Variants in PLCH1 observed in about 807,000 individuals in gnomAD.
PLCH1 encodes the protein phospholipase C eta 1.
In PLCH1, 60 loss-of-function variants were observed where a neutral mutation model predicts 126.7. The ratio of observed to expected loss-of-function variants is 0.47; its 90% CI spans 0.38 to 0.59. The LOEUF (loss-of-function observed/expected upper bound fraction) is 0.59. PLCH1 is among the 20% of genes least tolerant of loss of function. The pLI, the probability that PLCH1 is intolerant of heterozygous loss-of-function variation, is 0.00. For missense variants in PLCH1, 1,723 were observed against 2,040.0 expected (o/e 0.84, Z 2.99); for synonymous variants, 719 against 734.9 (o/e 0.98, Z 0.35).
At chr3:155,668,607 C>A (rs1252768939) in intron 2 of PLCH1, among the ~76,000 whole-genome samples, 1 of 151,990 alleles carries the variant, frequency 6.6e-6, no homozygotes, top group Non-Finnish European at 1.5e-5. Flanking sequence ...GAAACGTGAG[C>A]CTAGGCTGGG....
At chr3:155,575,480 A>C (rs1045006493) in intron 6 of PLCH1, among the ~76,000 whole-genome samples, 1 of 152,200 alleles carries the variant, frequency 6.6e-6, no homozygotes, top group East Asian at 1.9e-4. Flanking sequence ...TAATGTATAG[A>C]TCTATATCAG....
intron 21 of PLCH1, among the ~76,000 whole-genome samples, chr3:155,470,793 T>C (rs7645452): frequency 0.29 from 44,010 of 151,590 alleles, 7,262 homozygotes; most frequent in African/African-American, 0.44. Context: ...AAGAAAAGAA[T>C]TTTCAACCCA....
rs77715071 is a variant in PLCH1 at position 155,712,406 on chromosome 3, C to G, written c.-40-8142G>C. ...TTCTTCAGCTTTAGAATTCCTTTAG[C>G]TATTTTCAAATGTGACGCAAATCTA... On this transcript the variant is annotated intron_variant, in intron 1 of 22. Coordinates refer to ENST00000460012, the MANE Select transcript of PLCH1 (RefSeq NM_014996.4). Among the ~76,000 whole-genome samples the G allele has an allele frequency of 6.6e-4, 101 of 152,286 alleles. 3 individuals carry two copies. In the East Asian group the frequency reaches 0.017, roughly 26 times the overall value.
chr3:155,631,140 C>T (rs1737971081), intron 2 of PLCH1, among the ~76,000 whole-genome samples: 1 of 152,088 alleles, frequency 6.6e-6, no homozygotes, highest in Admixed American at 6.6e-5. Context: ...ACAGCCACAG[C>T]AATGCATTAA....
At chr3:155,469,940 A>G (rs1194654830) in intron 21 of PLCH1, among the ~76,000 whole-genome samples, 5 of 152,218 alleles carry the variant, frequency 3.3e-5, no homozygotes, top group Non-Finnish European at 5.9e-5. Context: ...CATCATCATC[A>G]AAGACCAAAA....
chr3:155,597,371 G>A (rs143404487), intron 2 of PLCH1, among the ~76,000 whole-genome samples: 1 of 152,262 alleles, frequency 6.6e-6, no homozygotes, highest in East Asian at 1.9e-4. Flanking sequence ...TTCTTCCTAA[G>A]ACTGACAAAT....
chr3:155,482,218 T>A lies in PLCH1; in HGVS notation c.3808A>T (p.Thr1270Ser). The change falls in exon 23 of 23, where the codon ACC becomes TCC. Residue 1270 changes from threonine (T) to serine (S), a missense_variant. This residue lies in a region of PLCH1 where 947 missense variants were observed against 977.1 expected (regional missense o/e 0.97). Coordinates refer to ENST00000460012, the MANE Select transcript of PLCH1 (RefSeq NM_014996.4). ...KHATNTVYETTCTPISKTKPD... is the reference protein window; with the variant it reads ...KHATNTVYETSCTPISKTKPD... ...TTGGTTTTAGAGATGGGAGTGCAGG[T>A]AGTTTCATAAACTGTGTTCGTTGCA... 6.2e-7 allele frequency: 1 copy of A among 1,614,194 alleles called. No homozygotes were observed. Among genetic ancestry groups the A allele is most frequent in the Non-Finnish European group, 8.5e-7 (1 of 1,180,028 alleles).
chr3:155,599,532 C>T (rs1733447884), intron 2 of PLCH1, among the ~76,000 whole-genome samples: 1 of 152,100 alleles, frequency 6.6e-6, no homozygotes, highest in Non-Finnish European at 1.5e-5. Context: ...CTTTGATCCA[C>T]CAGCAATGAG....
rs538525427 is a variant in PLCH1 at position 155,621,133 on chromosome 3, AC to A, written c.80-24756del. On this transcript the variant is annotated intron_variant, in intron 2 of 22. Transcript: ENST00000460012. ...ACCCAGGCAACAGGGTCTGGAGTGG[AC>A]CTCCAGCAAACTCCAGCAGACCTGC... Among the ~76,000 whole-genome samples, 988 of 152,204 alleles carry A rather than the reference AC, an allele frequency of 6.5e-3. 16 individuals carry two copies. Among genetic ancestry groups the A allele is most frequent in the African/African-American group, 0.022 (934 of 41,534 alleles).
At chr3:155,593,823 A>G in intron 4 of PLCH1, 118 bp downstream of exon 4, 1 of 1,040,958 alleles carries the variant, frequency 9.6e-7, no homozygotes, top group Non-Finnish European at 1.4e-6. Context: ...AGGGGTAAAG[A>G]AAGAGAAAGG....
chr3:155,462,243 T>A (rs950177698), intron 21 of PLCH1, among the ~76,000 whole-genome samples: 1 of 152,152 alleles, frequency 6.6e-6, no homozygotes, highest in East Asian at 1.9e-4. Flanking sequence ...AGTGCAGCAC[T>A]CACTGAGGCA....
In PLCH1 at chr3:155,655,083, T is replaced by G. The variant is rs1741194396; in HGVS notation, c.79+49063A>C. Reference sequence around the variant, plus strand: ...TGTTATATGGTTCACTCCCTCACTTTATCCAGGCTTCTACTCAAATATCAC... The same window carrying G: ...TGTTATATGGTTCACTCCCTCACTTGATCCAGGCTTCTACTCAAATATCAC... On this transcript the variant is annotated intron_variant, in intron 2 of 22. Coordinates refer to ENST00000460012, the MANE Select transcript of PLCH1 (RefSeq NM_014996.4). Among the ~76,000 whole-genome samples, 5 of 152,200 alleles carry G rather than the reference T, an allele frequency of 3.3e-5. No homozygotes were observed. The South Asian group carries it at 1.0e-3, about 31-fold the overall frequency.
chr3:155,550,904 C>T (rs1576990497), intron 9 of PLCH1, among the ~76,000 whole-genome samples: 1 of 152,180 alleles, frequency 6.6e-6, no homozygotes, highest in South Asian at 2.1e-4. Context: ...ACCGCCAGAC[C>T]TACCTTCTCT....
chr3:155,676,187 C>A, intron 2 of PLCH1: 1 of 1,309,416 alleles, frequency 7.6e-7, no homozygotes, highest in Non-Finnish European at 9.8e-7. Flanking sequence ...GCTCATGCTG[C>A]CCTTTATGGC....
intron 6 of PLCH1, among the ~76,000 whole-genome samples, chr3:155,578,810 G>A (rs999609078): frequency 4.7e-4 from 72 of 152,210 alleles, no homozygotes; most frequent in African/African-American, 1.6e-3. Context: ...GAAAAGGAAA[G>A]GTATCTCCGG....
chr3:155,661,947 G>A (rs184068406), intron 2 of PLCH1, among the ~76,000 whole-genome samples: 1 of 152,328 alleles, frequency 6.6e-6, no homozygotes, highest in African/African-American at 2.4e-5. Flanking sequence ...CATAAACACA[G>A]TGTTTGGTAA....
intron 11 of PLCH1, among the ~76,000 whole-genome samples, chr3:155,522,022 G>T (rs1196538420): frequency 6.6e-6 from 1 of 152,158 alleles, no homozygotes. Context: ...ACTCCAATTT[G>T]TTCCCATAAG....
At chr3:155,503,278 T>C (rs1718169704) in intron 13 of PLCH1, among the ~76,000 whole-genome samples, 1 of 152,150 alleles carries the variant, frequency 6.6e-6, no homozygotes, top group African/African-American at 2.4e-5. Flanking sequence ...CTCTATAGGG[T>C]TTCTTTTGCC....
chr3:155,597,387 C>T (rs192069318), intron 2 of PLCH1, among the ~76,000 whole-genome samples: 3 of 152,330 alleles, frequency 2.0e-5, no homozygotes, highest in African/African-American at 7.2e-5. Flanking sequence ...CAAATGATCC[C>T]ATTTTCCCCT....
Sources: allele counts gnomAD v4.1 joint callset (sites outside exome capture counted in the v4.1 genomes callset), GRCh38; gene constraint gnomAD v4.1.1; regional missense constraint gnomAD v4.1.1; transcripts MANE v1.5; gene names NCBI Gene and HGNC (gene_info 2026-07-23, HGNC 2026-07-21).